Variants in MCU observed in about 807,000 individuals in gnomAD.
The protein encoded by MCU is calcium uniporter protein, mitochondrial.
MCU carries 12 observed loss-of-function variants against 45.2 expected under a neutral mutation model. That is an observed-to-expected ratio of 0.27 (90% CI 0.17 to 0.43). MCU has a LOEUF of 0.43. MCU is among the 20% of genes least tolerant of loss of function. The pLI, the probability that MCU is intolerant of heterozygous loss-of-function variation, is 1.00. For synonymous variants in MCU, 160 were observed against 165.1 expected (o/e 0.97, Z 0.24); for missense variants, 324 against 436.7 (o/e 0.74, Z 2.30).
At chr10:72,798,031 T>C (rs574600580) in intron 1 of MCU, among the ~76,000 whole-genome samples, 3 of 152,232 alleles carry the variant, frequency 2.0e-5, no homozygotes, top group Admixed American at 2.0e-4. Context: ...AAAGTACTAA[T>C]ATATAGTTCA....
At position 72,829,167 on chromosome 10, in the gene MCU, T is replaced by C. The variant is rs954814716; in HGVS notation, c.151-5192T>C. Among the ~76,000 whole-genome samples the C allele has an allele frequency of 1.1e-4, 17 of 151,904 alleles. No homozygotes were observed. The South Asian group carries it at 1.7e-3, about 15-fold the overall frequency. On this transcript the variant is annotated intron_variant, in intron 1 of 7. Coordinates refer to ENST00000373053, the MANE Select transcript of MCU (RefSeq NM_138357.3). ...GAAACCCTGTCTCTACTAAAAAATA[T>C]AAAAATTAGCCGGGTATGGTTGGTG... is the stretch of plus-strand genomic sequence containing the variant.
At chr10:72,708,965 A>G (rs1352657711) in intron 1 of MCU, among the ~76,000 whole-genome samples, 1 of 151,910 alleles carries the variant, frequency 6.6e-6, no homozygotes, top group Non-Finnish European at 1.5e-5. Flanking sequence ...CTTTGATTGT[A>G]CCACTGTACT....
At chr10:72,696,827 A>G (rs1383805230) in intron 1 of MCU, among the ~76,000 whole-genome samples, 1 of 152,082 alleles carries the variant, frequency 6.6e-6, no homozygotes, top group Admixed American at 6.6e-5. Flanking sequence ...GGCTTGCTTA[A>G]TAGCCTTCCT....
intron 1 of MCU, among the ~76,000 whole-genome samples, chr10:72,759,069 A>C (rs565166727): frequency 6.6e-6 from 1 of 152,138 alleles, no homozygotes; most frequent in Non-Finnish European, 1.5e-5. Context: ...ATGTAGGGTA[A>C]TAGTACTTCT....
At chr10:72,879,977 G>GGT (rs1427077707) in intron 6 of MCU, among the ~76,000 whole-genome samples, 1 of 152,178 alleles carries the variant, frequency 6.6e-6, no homozygotes, top group East Asian at 1.9e-4. Context: ...GAACCCAGGA[G>GGT]GTGGAGGTTG....
At chr10:72,725,878 G>A (rs1261843277) in intron 1 of MCU, among the ~76,000 whole-genome samples, 2 of 151,742 alleles carry the variant, frequency 1.3e-5, no homozygotes, top group Non-Finnish European at 2.9e-5. Context: ...GAGCGAAACT[G>A]TCTGAAAAAA....
chr10:72,847,423 G>T (rs922867569), intron 2 of MCU, among the ~76,000 whole-genome samples: 1 of 152,096 alleles, frequency 6.6e-6, no homozygotes, highest in East Asian at 1.9e-4. Context: ...AACCTTCAGG[G>T]TGGCCATTCT....
intron 1 of MCU, among the ~76,000 whole-genome samples, chr10:72,729,417 C>G (rs919274550): frequency 2.0e-5 from 3 of 152,304 alleles, no homozygotes; most frequent in African/African-American, 7.2e-5. Flanking sequence ...CTGCCGTGAG[C>G]CGAGATTGCA....
intron 1 of MCU, among the ~76,000 whole-genome samples, chr10:72,732,983 A>AT (rs1205717460): frequency 6.6e-6 from 1 of 152,236 alleles, no homozygotes; most frequent in Admixed American, 6.5e-5. Flanking sequence ...CCAGATTAAT[A>AT]TTAAATGGAA....
intron 1 of MCU, among the ~76,000 whole-genome samples, chr10:72,695,653 A>G (rs1216010601): frequency 6.6e-6 from 1 of 152,138 alleles, no homozygotes; most frequent in Non-Finnish European, 1.5e-5. Context: ...AAACTGAGGA[A>G]AGTCACTTGT....
intron 1 of MCU, chr10:72,766,715 A>G (rs919643765): frequency 9.9e-5 from 15 of 152,174 alleles, no homozygotes; most frequent in Non-Finnish European, 1.6e-4. Context: ...CTGATCCTGT[A>G]TTTCTGATAC....
At chr10:72,837,185 A>G (rs1455573646) in intron 2 of MCU, among the ~76,000 whole-genome samples, 1 of 151,914 alleles carries the variant, frequency 6.6e-6, no homozygotes, top group Admixed American at 6.6e-5. Flanking sequence ...GCAATCTAAC[A>G]GGTTCTAGAT....
chr10:72,769,075 A>C (rs1035128766), intron 1 of MCU, among the ~76,000 whole-genome samples: 3 of 151,680 alleles, frequency 2.0e-5, no homozygotes, highest in African/African-American at 4.9e-5. Flanking sequence ...GCTGGTATCT[A>C]CCTTCTGGGC....
chr10:72,697,426 A>AT (rs1001610262), intron 1 of MCU, among the ~76,000 whole-genome samples: 2,797 of 64,130 alleles, frequency 0.044, 195 homozygotes, highest in African/African-American at 0.074. Context: ...CCAGACTTCT[A>AT]TTTTTTTTTT....
intron 6 of MCU, among the ~76,000 whole-genome samples, chr10:72,879,054 A>T (rs1235065065): frequency 6.6e-6 from 1 of 152,170 alleles, no homozygotes; most frequent in African/African-American, 2.4e-5. Flanking sequence ...ACTTGAAGCC[A>T]GGGGTTTGAG....
At chr10:72,693,122 G>T in intron 1 of MCU, 2 of 1,513,382 alleles carry the variant, frequency 1.3e-6, no homozygotes, top group Non-Finnish European at 1.8e-6. Flanking sequence ...TTGTTGCTGG[G>T]TTTCATTGGC....
intron 1 of MCU, among the ~76,000 whole-genome samples, chr10:72,756,175 CAG>C (rs1843573996): frequency 6.6e-6 from 1 of 151,972 alleles, no homozygotes; most frequent in Non-Finnish European, 1.5e-5. Flanking sequence ...TTATTAGATA[CAG>C]GGTTTTGCTG....
chr10:72,734,184 T>G (rs902806489), intron 1 of MCU, among the ~76,000 whole-genome samples: 17 of 152,134 alleles, frequency 1.1e-4, no homozygotes, highest in Admixed American at 2.6e-4. Flanking sequence ...AGTTTGAGGC[T>G]GCAGTGAGCT....
Position 72,798,137 on chromosome 10 carries a change from A to C in MCU, c.151-36222A>C, listed in dbSNP as rs369326417. Among the ~76,000 whole-genome samples, 6 of 152,228 alleles carry C rather than the reference A, an allele frequency of 3.9e-5. 1 individual carries two copies. In the East Asian group the frequency reaches 7.7e-4, roughly 20 times the overall value. ...TAAAATTTGGACAATACATAAATGC[A>C]TAAGGAAAAATGTGCCTATAATGCA... On this transcript the variant is annotated intron_variant, in intron 1 of 7. Coordinates refer to ENST00000373053, the MANE Select transcript of MCU (RefSeq NM_138357.3).
Sources: allele counts gnomAD v4.1 joint callset (sites outside exome capture counted in the v4.1 genomes callset), GRCh38; gene constraint gnomAD v4.1.1; transcripts MANE v1.5; gene names NCBI Gene and HGNC (gene_info 2026-07-23, HGNC 2026-07-21).